The following KCNQ3 variants were observed in gnomAD, a reference collection of about 807,000 sequenced individuals.
KCNQ3 encodes potassium voltage-gated channel subfamily Q member 3.
KCNQ3 carries 30 observed loss-of-function variants against 92.5 expected under a neutral mutation model. The ratio of observed to expected loss-of-function variants is 0.32; its 90% CI spans 0.24 to 0.44. The LOEUF (loss-of-function observed/expected upper bound fraction) is 0.44. Ranked by LOEUF, KCNQ3 falls within the 20% of genes least tolerant of loss-of-function variation. KCNQ3 has a pLI of 1.00. For synonymous variants in KCNQ3, 450 were observed against 468.8 expected, an observed-to-expected ratio of 0.96 and a Z score of 0.52; for missense variants, 913 against 1,140.3, an observed-to-expected ratio of 0.80 and a Z score of 2.87.
At chr8:132,464,153 C>T (rs1822121216) in intron 1 of KCNQ3, among the ~76,000 whole-genome samples, 1 of 152,178 alleles carries the variant, frequency 6.6e-6, no homozygotes, top group Non-Finnish European at 1.5e-5. Context: ...GATGGAATGG[C>T]CATTTATCTG....
chr8:132,270,130 G>GAAAAA (rs35906701), intron 1 of KCNQ3, among the ~76,000 whole-genome samples: 1 of 148,262 alleles, frequency 6.7e-6, no homozygotes. Flanking sequence ...TGATTTTCCT[G>GAAAAA]AAAAAAAAAA....
intron 1 of KCNQ3, among the ~76,000 whole-genome samples, chr8:132,462,514 GTTT>G (rs1822085847): frequency 6.6e-6 from 1 of 152,192 alleles, no homozygotes; most frequent in African/African-American, 2.4e-5. Flanking sequence ...TAAATGGTAA[GTTT>G]TTAAGTTATA....
intron 1 of KCNQ3, among the ~76,000 whole-genome samples, chr8:132,243,299 A>G (rs979153310): frequency 6.6e-6 from 1 of 152,216 alleles, no homozygotes. Flanking sequence ...GTGAGATCTG[A>G]TGAGTCTCTA....
chr8:132,224,006 CA>C (rs1814321000), intron 1 of KCNQ3, among the ~76,000 whole-genome samples: 1 of 150,540 alleles, frequency 6.6e-6, no homozygotes, highest in Non-Finnish European at 1.5e-5. Context: ...ACCTCAAACT[CA>C]TGGCCTCAAG....
At chr8:132,340,664 T>C (rs1413334323) in intron 1 of KCNQ3, among the ~76,000 whole-genome samples, 2 of 152,024 alleles carry the variant, frequency 1.3e-5, no homozygotes, top group Non-Finnish European at 2.9e-5. Flanking sequence ...AAATAGCTAA[T>C]GCAAGTGGGG....
At chr8:132,291,765 G>A (rs1469924301) in intron 1 of KCNQ3, among the ~76,000 whole-genome samples, 2 of 152,142 alleles carry the variant, frequency 1.3e-5, no homozygotes, top group African/African-American at 4.8e-5. Flanking sequence ...ATTCATTTAT[G>A]CCATCTATAA....
chr8:132,314,034 T>C (rs1014304878), intron 1 of KCNQ3, among the ~76,000 whole-genome samples: 5 of 152,146 alleles, frequency 3.3e-5, no homozygotes, highest in Non-Finnish European at 7.4e-5. Context: ...GTCAGGTAAG[T>C]TGGCTTTAAG....
At chr8:132,147,814 C>A (rs1825501052) in intron 9 of KCNQ3, among the ~76,000 whole-genome samples, 1 of 152,296 alleles carries the variant, frequency 6.6e-6, no homozygotes, top group East Asian at 1.9e-4. Flanking sequence ...GAGTGCCCAG[C>A]ACAGAACAGC....
At chr8:132,447,306 G>T in intron 1 of KCNQ3, 1 of 1,438,632 alleles carries the variant, frequency 7.0e-7, no homozygotes, top group Non-Finnish European at 9.4e-7. Context: ...GGGCAGAATG[G>T]GCAGACAAGG....
rs1563793348 is a variant in KCNQ3 at position 132,184,291 on chromosome 8, T to C, written c.554A>G (p.Lys185Arg). ...AAACTTCAGTCGGCCCCGCCAGCCT[T>C]TGTATCGGCAGCAACATCCAGCAGC... ...IWAAGCCCRY[K>R]GWRGRLKFAR... is the part of the protein sequence containing the mutation. The change falls in exon 3 of 15, where the codon AAA becomes AGA. Residue 185 changes from lysine (K) to arginine (R), a missense_variant. By Grantham distance (26) the Lys-to-Arg change is conservative (BLOSUM62 2). Transcript: ENST00000388996. 6.2e-7 allele frequency: 1 copy of C among 1,614,116 alleles called. No homozygotes were observed. Among genetic ancestry groups the C allele is most frequent in the Non-Finnish European group, 8.5e-7 (1 of 1,180,020 alleles).
chr8:132,444,896 G>A (rs987028223), intron 1 of KCNQ3, among the ~76,000 whole-genome samples: 2 of 152,204 alleles, frequency 1.3e-5, no homozygotes, highest in Non-Finnish European at 2.9e-5. Flanking sequence ...ATTCGACAAA[G>A]CAGAGTGCTT....
At chr8:132,137,759 G>A (rs964504040) in intron 12 of KCNQ3, 126 bp downstream of exon 12, 81 of 1,184,698 alleles carry the variant, frequency 6.8e-5, no homozygotes, top group Middle Eastern at 2.0e-4. Context: ...ACAAGGCTTC[G>A]TGGATATTTG....
chr8:132,253,713 T>G (rs1480358651), intron 1 of KCNQ3, among the ~76,000 whole-genome samples: 1 of 152,198 alleles, frequency 6.6e-6, no homozygotes, highest in Non-Finnish European at 1.5e-5. Flanking sequence ...CATTGCATGT[T>G]TCTAACCATT....
chr8:132,150,833 G>GTT (rs961994416), intron 9 of KCNQ3, among the ~76,000 whole-genome samples: 21 of 152,072 alleles, frequency 1.4e-4, no homozygotes, highest in African/African-American at 5.1e-4. Context: ...TTATATATGT[G>GTT]TTGTGTGTGT....
intron 1 of KCNQ3, among the ~76,000 whole-genome samples, chr8:132,468,400 C>T (rs1052728327): frequency 6.6e-6 from 1 of 152,184 alleles, no homozygotes; most frequent in Admixed American, 6.5e-5. Flanking sequence ...CAAGAAGACA[C>T]CATCAAGGCA....
chr8:132,337,431 G>A (rs148750703), intron 1 of KCNQ3, among the ~76,000 whole-genome samples: 5 of 152,230 alleles, frequency 3.3e-5, no homozygotes, highest in East Asian at 1.9e-4. Flanking sequence ...CAAGGAGGTC[G>A]AGGTTGCAAT....
intron 1 of KCNQ3, among the ~76,000 whole-genome samples, chr8:132,394,401 A>C (rs1246296533): frequency 6.6e-6 from 1 of 152,214 alleles, no homozygotes; most frequent in East Asian, 1.9e-4. Flanking sequence ...AACATGACTC[A>C]GTTTCCCTAT....
At chr8:132,347,454 C>G (rs1430296604) in intron 1 of KCNQ3, among the ~76,000 whole-genome samples, 18 of 152,100 alleles carry the variant, frequency 1.2e-4, no homozygotes, top group Admixed American at 1.2e-3. Flanking sequence ...GTTCTTTGAC[C>G]TTGTGGAATT....
chr8:132,179,760 T>G (rs1415759615), intron 4 of KCNQ3, among the ~76,000 whole-genome samples: 1 of 152,150 alleles, frequency 6.6e-6, no homozygotes, highest in East Asian at 1.9e-4. Context: ...CCAACCTGTG[T>G]GATCCCCAAG....
Sources: allele counts gnomAD v4.1 joint callset (sites outside exome capture counted in the v4.1 genomes callset), GRCh38; gene constraint gnomAD v4.1.1; transcripts MANE v1.5; gene names NCBI Gene and HGNC (gene_info 2026-07-23, HGNC 2026-07-21).